CXCL13: variants seen among roughly 807,000 people sequenced by gnomAD.
The protein encoded by CXCL13 is C-X-C motif chemokine 13.
A neutral mutation model predicts 12.2 loss-of-function variants in CXCL13; 7 were observed. That is an observed-to-expected ratio of 0.57 (90% CI 0.33 to 1.07). CXCL13 has a LOEUF of 1.07. CXCL13 is among the 50% of genes least tolerant of loss of function. The probability of loss-of-function intolerance (pLI) is 0.04; values close to 1 mark genes in which losing one functional copy is unlikely to be tolerated. For missense variants in CXCL13, 113 were observed against 127.4 expected, an observed-to-expected ratio of 0.89 and a Z score of 0.55; for synonymous variants, 47 against 42.4, an observed-to-expected ratio of 1.11 and a Z score of -0.42.
upstream of CXCL13, among the ~76,000 whole-genome samples, chr4:77,601,287 G>T (rs1726876244): frequency 6.6e-6 from 1 of 152,204 alleles, no homozygotes; most frequent in Non-Finnish European, 1.5e-5. Context: ...AGATGAAAAT[G>T]ATGGCAAAAT....
rs200401571 is a variant in CXCL13, at chr4:77,524,523, AGCCAG to A, written c.-43+12738_-43+12742del. Among the ~76,000 whole-genome samples the A allele has an allele frequency of 4.4e-3, 668 of 152,316 alleles. 18 individuals carry two copies. The highest frequency in any genetic ancestry group is 0.026 in the East Asian group (136 of 5,168). On this transcript the variant is annotated intron_variant, in intron 1 of 4. Coordinates refer to the CXCL13 transcript ENST00000286758. ...TTCTCCATGGGCATGGGACCTGCCA[AGCCAG>A]GCATGGGAGAGAATCTTCTTGTCTG...
At chr4:77,592,764 A>G (rs892242967) in intron 1 of CXCL13, among the ~76,000 whole-genome samples, 1 of 152,104 alleles carries the variant, frequency 6.6e-6, no homozygotes, top group African/African-American at 2.4e-5. Flanking sequence ...GACTTTCATC[A>G]CTCAAGATTC....
intron 1 of CXCL13, among the ~76,000 whole-genome samples, chr4:77,591,829 C>T (rs1050582079): frequency 2.6e-5 from 4 of 152,206 alleles, no homozygotes; most frequent in Non-Finnish European, 5.9e-5. Context: ...AGTCACTGTG[C>T]AACTAACATC....
At chr4:77,560,154 A>G (rs1725772047) in intron 1 of CXCL13, among the ~76,000 whole-genome samples, 1 of 152,160 alleles carries the variant, frequency 6.6e-6, no homozygotes, top group Non-Finnish European at 1.5e-5. Flanking sequence ...GCAAGGGTAT[A>G]TATATGGATA....
At chr4:77,570,204 T>C (rs1228290207) in intron 1 of CXCL13, among the ~76,000 whole-genome samples, 1 of 152,138 alleles carries the variant, frequency 6.6e-6, no homozygotes, top group Admixed American at 6.5e-5. Flanking sequence ...CATTCTGGAA[T>C]GGACAAGGAT....
At chr4:77,538,936 C>A (rs1346546797) in intron 1 of CXCL13, among the ~76,000 whole-genome samples, 1 of 152,166 alleles carries the variant, frequency 6.6e-6, no homozygotes, top group African/African-American at 2.4e-5. Context: ...GCAGAAAGAG[C>A]TCTAGGCAAG....
chr4:77,536,355 A>G (rs181068706), intron 1 of CXCL13, among the ~76,000 whole-genome samples: 31 of 152,320 alleles, frequency 2.0e-4, no homozygotes, highest in Middle Eastern at 3.4e-3. Context: ...TCCGAAGCAT[A>G]GTTAACTTTT....
At position 77,571,886 on chromosome 4, in the gene CXCL13, G is replaced by A. The variant is rs533477579; in HGVS notation, c.-42-33938G>A. Among the ~76,000 whole-genome samples, 635 of 151,558 alleles carry A rather than the reference G, an allele frequency of 4.2e-3. 19 individuals are homozygous for A. The highest frequency in any genetic ancestry group is 0.013 in the African/African-American group (553 of 41,014). On this transcript the variant is annotated intron_variant, in intron 1 of 4. Coordinates refer to the CXCL13 transcript ENST00000286758. ...CTGCAGCTTCACTCCTGAGCCCTGC[G>A]AGCCCACGAGCCCACCAGGAGGAAT...
Position 77,572,995 on chromosome 4 carries a change from A to T in CXCL13, c.-42-32829A>T, listed in dbSNP as rs557484324. Among the ~76,000 whole-genome samples, 2 of 152,074 alleles carry T rather than the reference A, an allele frequency of 1.3e-5. 1 individual carries two copies. Among genetic ancestry groups the T allele is most frequent in the African/African-American group, 4.8e-5 (2 of 41,318 alleles). On this transcript the variant is annotated intron_variant, in intron 1 of 4. Transcript: ENST00000286758. ...AAACTAACACAGGAAAAAAAAACTG[A>T]ATACCACATGTTCTCACTTATAAGT...
chr4:77,526,039 G>A (rs1724756265), intron 1 of CXCL13, among the ~76,000 whole-genome samples: 1 of 151,774 alleles, frequency 6.6e-6, no homozygotes. Flanking sequence ...AAAAACTCCT[G>A]TGTTAGCTAA....
At chr4:77,548,549 T>C (rs751463911) in intron 1 of CXCL13, among the ~76,000 whole-genome samples, 13 of 152,220 alleles carry the variant, frequency 8.5e-5, no homozygotes, top group South Asian at 4.1e-4. Flanking sequence ...TTGATTTTGG[T>C]CATTTATAAT....
intron 1 of CXCL13, among the ~76,000 whole-genome samples, chr4:77,555,721 G>C (rs997070346): frequency 1.3e-5 from 2 of 151,970 alleles, no homozygotes; most frequent in African/African-American, 4.8e-5. Flanking sequence ...TGTTGTTTGT[G>C]TTACTTTTAT....
At chr4:77,538,429 T>G (rs1164597557) in intron 1 of CXCL13, among the ~76,000 whole-genome samples, 1 of 151,578 alleles carries the variant, frequency 6.6e-6, no homozygotes, top group Non-Finnish European at 1.5e-5. Flanking sequence ...TTGTCTTTTT[T>G]TTTTTTTTTT....
chr4:77,530,225 G>T (rs868814659), intron 1 of CXCL13, among the ~76,000 whole-genome samples: 2 of 152,158 alleles, frequency 1.3e-5, no homozygotes, highest in Non-Finnish European at 2.9e-5. Flanking sequence ...AGGGATATTG[G>T]TCTAAAATTC....
chr4:77,556,558 A>T (rs1053169743), intron 1 of CXCL13, among the ~76,000 whole-genome samples: 24 of 152,212 alleles, frequency 1.6e-4, no homozygotes, highest in African/African-American at 5.3e-4. Context: ...GTCAAAACTC[A>T]AACTGTATAT....
At chr4:77,553,300 G>C (rs1489930782) in intron 1 of CXCL13, among the ~76,000 whole-genome samples, 1 of 152,216 alleles carries the variant, frequency 6.6e-6, no homozygotes, top group Non-Finnish European at 1.5e-5. Context: ...CCCAACTCCA[G>C]AGCATGTGCT....
chr4:77,559,780 G>A (rs1046922026), intron 1 of CXCL13, among the ~76,000 whole-genome samples: 2 of 151,896 alleles, frequency 1.3e-5, no homozygotes, highest in African/African-American at 4.8e-5. Flanking sequence ...AAATTAGTCG[G>A]GCATGGTGGC....
chr4:77,606,842 AG>A (rs1727013044), intron 1 of CXCL13, among the ~76,000 whole-genome samples: 1 of 152,258 alleles, frequency 6.6e-6, no homozygotes, highest in African/African-American at 2.4e-5. Flanking sequence ...CAAGCACAGT[AG>A]TAGGCTGGAT....
At chr4:77,543,906 C>A (rs1249681498) in intron 1 of CXCL13, among the ~76,000 whole-genome samples, 1 of 152,122 alleles carries the variant, frequency 6.6e-6, no homozygotes, top group Admixed American at 6.6e-5. Context: ...ACTCCCCCAA[C>A]CCCATGACAG....
Sources: gnomAD v4.1 joint callset for allele counts (sites outside exome capture counted in the v4.1 genomes callset) on GRCh38, gnomAD v4.1.1 for gene constraint, MANE v1.5 for transcripts, NCBI Gene and HGNC (gene_info 2026-07-23, HGNC 2026-07-21) for gene names.